The following KCNQ5 variants were observed in gnomAD, a reference collection of about 807,000 sequenced individuals.
KCNQ5 encodes the protein potassium voltage-gated channel subfamily Q member 5.
KCNQ5 carries 30 observed loss-of-function variants against 98.2 expected under a neutral mutation model. The ratio of observed to expected loss-of-function variants is 0.31; its 90% CI spans 0.23 to 0.41. KCNQ5 has a LOEUF of 0.41. KCNQ5 is among the 10% of genes least tolerant of loss of function. The probability of loss-of-function intolerance (pLI) is 1.00; values close to 1 mark genes in which losing one functional copy is unlikely to be tolerated. For synonymous variants in KCNQ5, 458 were observed against 449.4 expected (o/e 1.02, Z -0.24); for missense variants, 835 against 1,182.5 (o/e 0.71, Z 4.31).
intron 10 of KCNQ5, among the ~76,000 whole-genome samples, chr6:73,137,854 C>T (rs1776535803): frequency 2.0e-5 from 3 of 152,276 alleles, no homozygotes; most frequent in Non-Finnish European, 4.4e-5. Flanking sequence ...ATATCAATTT[C>T]CCTTTAAGAA....
chr6:73,071,409 A>T (rs1773294000), intron 3 of KCNQ5, among the ~76,000 whole-genome samples: 1 of 152,242 alleles, frequency 6.6e-6, no homozygotes, highest in East Asian at 1.9e-4. Flanking sequence ...GCATCATTTT[A>T]ATAGCAAAAC....
intron 7 of KCNQ5, among the ~76,000 whole-genome samples, chr6:73,119,510 A>G (rs1419155644): frequency 6.6e-6 from 1 of 152,254 alleles, no homozygotes; most frequent in Non-Finnish European, 1.5e-5. Flanking sequence ...ACATATTCTT[A>G]GATCATGGCA....
intron 2 of KCNQ5, among the ~76,000 whole-genome samples, chr6:73,034,870 G>A: frequency 8.3e-6 from 1 of 120,768 alleles, no homozygotes; most frequent in South Asian, 2.7e-4. Context: ...TTTTGAGACA[G>A]TATCTCGCTC....
chr6:73,157,769 G>C (rs996971769), intron 10 of KCNQ5: 1 of 778,678 alleles, frequency 1.3e-6, no homozygotes, highest in Non-Finnish European at 2.4e-6. Flanking sequence ...TAGGTGGGGT[G>C]CATGTTGGTG....
chr6:72,667,972 A>G (rs151201967), intron 1 of KCNQ5, among the ~76,000 whole-genome samples: 34 of 152,324 alleles, frequency 2.2e-4, no homozygotes, highest in African/African-American at 7.0e-4. Context: ...AACAATTACA[A>G]TGTGGGATCT....
chr6:73,133,167 T>G (rs1200350318), intron 9 of KCNQ5, among the ~76,000 whole-genome samples: 1 of 152,228 alleles, frequency 6.6e-6, no homozygotes, highest in Non-Finnish European at 1.5e-5. Flanking sequence ...AAATGCTGTA[T>G]GACCTCAGTC....
At chr6:72,895,128 A>G (rs1486921622) in intron 1 of KCNQ5, among the ~76,000 whole-genome samples, 1 of 150,466 alleles carries the variant, frequency 6.6e-6, no homozygotes, top group Non-Finnish European at 1.5e-5. Flanking sequence ...AAAAAAAAAA[A>G]AAAAAAAAAA....
chr6:72,672,571 T>A (rs1413841251), intron 1 of KCNQ5, among the ~76,000 whole-genome samples: 1 of 152,188 alleles, frequency 6.6e-6, no homozygotes, highest in African/African-American at 2.4e-5. Flanking sequence ...TAGTTTCCGA[T>A]ACAGTCTTTG....
rs1044126367 is a variant in KCNQ5 at position 72,701,558 on chromosome 6, G to A, written c.398+78971G>A. Among the ~76,000 whole-genome samples, 155 of 151,938 alleles carry A rather than the reference G, an allele frequency of 1.0e-3. 3 individuals are homozygous for A. The highest frequency in any genetic ancestry group is 4.2e-4 in the South Asian group (2 of 4,808). ...AAAAGAAATAGAGACTTGTGGGGGC[G>A]GTTCTTTTTTTGATTTTTGTTTTGT... is the stretch of plus-strand genomic sequence containing the variant. On this transcript the variant is annotated intron_variant, in intron 1 of 13. Coordinates refer to ENST00000370398, the MANE Select transcript of KCNQ5 (RefSeq NM_019842.4).
intron 1 of KCNQ5, among the ~76,000 whole-genome samples, chr6:72,706,717 C>G (rs1769105847): frequency 6.6e-6 from 1 of 152,096 alleles, no homozygotes; most frequent in Admixed American, 6.6e-5. Context: ...TTCTACATAT[C>G]TGAATGAAAA....
chr6:73,134,612 A>C (rs1202249790), intron 10 of KCNQ5, among the ~76,000 whole-genome samples: 1 of 152,226 alleles, frequency 6.6e-6, no homozygotes, highest in Non-Finnish European at 1.5e-5. Context: ...CCTCAGGGAT[A>C]TCTCTTCCAC....
chr6:73,104,440 A>G (rs975525500), intron 5 of KCNQ5, among the ~76,000 whole-genome samples: 6 of 151,870 alleles, frequency 4.0e-5, no homozygotes, highest in Non-Finnish European at 5.9e-5. Flanking sequence ...TTAAAAAAAT[A>G]AATTGAAGAA....
chr6:72,969,231 T>C (rs1309077239), intron 1 of KCNQ5, among the ~76,000 whole-genome samples: 1 of 152,240 alleles, frequency 6.6e-6, no homozygotes, highest in African/African-American at 2.4e-5. Context: ...TGTGTTATAA[T>C]AAATATTATT....
chr6:72,678,536 A>AAT (rs398094307), intron 1 of KCNQ5: 1 of 151,870 alleles, frequency 6.6e-6, no homozygotes, highest in Non-Finnish European at 1.5e-5. Flanking sequence ...TAACAAAAAA[A>AAT]TAAAAAAAAG....
At chr6:72,840,494 T>C (rs1470211332) in intron 1 of KCNQ5, among the ~76,000 whole-genome samples, 4 of 152,202 alleles carry the variant, frequency 2.6e-5, no homozygotes, top group Non-Finnish European at 5.9e-5. Flanking sequence ...TCTTTCCTCA[T>C]GTTGCTCCAG....
intron 3 of KCNQ5, among the ~76,000 whole-genome samples, chr6:73,062,920 T>C (rs184960772): frequency 6.6e-6 from 1 of 152,318 alleles, no homozygotes; most frequent in African/African-American, 2.4e-5. Context: ...CAAAGTACTG[T>C]AGCTAATCCT....
chr6:72,776,287 TG>T (rs1215194143), intron 1 of KCNQ5, among the ~76,000 whole-genome samples: 1 of 152,226 alleles, frequency 6.6e-6, no homozygotes, highest in African/African-American at 2.4e-5. Flanking sequence ...CCATTTATAA[TG>T]TAGGAATTAT....
intron 1 of KCNQ5, among the ~76,000 whole-genome samples, chr6:72,641,911 C>T (rs547570945): frequency 6.6e-6 from 1 of 151,746 alleles, no homozygotes; most frequent in South Asian, 2.1e-4. Context: ...GAAGGGTTCT[C>T]CTTTATTTTT....
At chr6:72,913,683 G>C (rs753860295) in intron 1 of KCNQ5, among the ~76,000 whole-genome samples, 2 of 152,212 alleles carry the variant, frequency 1.3e-5, no homozygotes, top group Non-Finnish European at 2.9e-5. Context: ...TTTAAACAGT[G>C]TAGGGGAAGG....
Sources: allele counts gnomAD v4.1 joint callset (sites outside exome capture counted in the v4.1 genomes callset), GRCh38; gene constraint gnomAD v4.1.1; transcripts MANE v1.5; gene names NCBI Gene and HGNC (gene_info 2026-07-23, HGNC 2026-07-21).